The following COL25A1 variants were observed in gnomAD, a reference collection of about 807,000 sequenced individuals.
COL25A1 encodes the protein collagen alpha-1(XXV) chain.
COL25A1 carries 103 observed loss-of-function variants against 128.4 expected under a neutral mutation model. The observed-to-expected ratio is 0.80, with a 90% confidence interval of 0.68 to 0.94. The LOEUF is 0.94. Ranked by LOEUF, COL25A1 falls within the 40% of genes least tolerant of loss-of-function variation. The pLI, the probability that COL25A1 is intolerant of heterozygous loss-of-function variation, is 0.00. For missense variants in COL25A1, 745 were observed against 840.0 expected (o/e 0.89, Z 1.40); for synonymous variants, 279 against 277.2 (o/e 1.01, Z -0.06).
chr4:108,935,768 A>G (rs560927300), intron 11 of COL25A1, among the ~76,000 whole-genome samples: 62 of 152,354 alleles, frequency 4.1e-4, no homozygotes, highest in African/African-American at 1.5e-3. Flanking sequence ...ATAGTAAGCA[A>G]ATGAGATTAT....
chr4:108,915,556 AT>A (rs1207654248), intron 13 of COL25A1, among the ~76,000 whole-genome samples: 2 of 152,018 alleles, frequency 1.3e-5, no homozygotes, highest in East Asian at 1.9e-4. Flanking sequence ...TAAGAAAATA[AT>A]TTTTTATTCC....
At chr4:109,060,210 A>G (rs920026618) in intron 3 of COL25A1, among the ~76,000 whole-genome samples, 10 of 152,212 alleles carry the variant, frequency 6.6e-5, no homozygotes, top group Admixed American at 1.3e-4. Flanking sequence ...GCAGCTGTGA[A>G]GACACAGCAT....
intron 5 of COL25A1, among the ~76,000 whole-genome samples, chr4:109,012,279 A>G (rs888136487): frequency 6.6e-6 from 1 of 152,270 alleles, no homozygotes; most frequent in Admixed American, 6.5e-5. Context: ...GGATCTTTCC[A>G]GATCCATGTA....
intron 3 of COL25A1, among the ~76,000 whole-genome samples, chr4:109,282,393 A>T (rs1478784133): frequency 6.6e-6 from 1 of 152,190 alleles, no homozygotes; most frequent in Non-Finnish European, 1.5e-5. Flanking sequence ...CTATGGCACA[A>T]AAATGGAGCC....
At chr4:108,837,165 G>T (rs931155009) in intron 31 of COL25A1, among the ~76,000 whole-genome samples, 3 of 152,166 alleles carry the variant, frequency 2.0e-5, no homozygotes, top group Non-Finnish European at 2.9e-5. Context: ...ACCATCATAT[G>T]GTGGATGTAT....
chr4:109,095,171 G>T (rs1336079723), intron 3 of COL25A1, among the ~76,000 whole-genome samples: 7 of 152,118 alleles, frequency 4.6e-5, no homozygotes, highest in African/African-American at 1.4e-4. Flanking sequence ...TAAAGTTTCA[G>T]AAATCCCTCA....
chr4:108,848,898 T>C, intron 26 of COL25A1, 95 bp from the exon 27 acceptor site: 1 of 888,866 alleles, frequency 1.1e-6, no homozygotes, highest in Non-Finnish European at 1.8e-6. Flanking sequence ...CACCACAATT[T>C]GACTTTCAGC....
rs1765692898 is a variant in COL25A1 at position 109,099,481 on chromosome 4, T to C, written c.368-49302A>G. On this transcript the variant is annotated intron_variant, in intron 3 of 37. Coordinates refer to ENST00000399132, the MANE Select transcript of COL25A1 (RefSeq NM_198721.4). ...TTCCATGAAAGTGATCCTTTGCCTA[T>C]ATTACAAATGAAATATTTATATGTT... Among the ~76,000 whole-genome samples, 4 of 151,990 alleles carry C rather than the reference T, an allele frequency of 2.6e-5. No homozygotes were observed. The South Asian group carries it at 8.3e-4, about 31-fold the overall frequency.
At chr4:108,843,476 C>G (rs545006805) in intron 30 of COL25A1, among the ~76,000 whole-genome samples, 2 of 148,176 alleles carry the variant, frequency 1.3e-5, no homozygotes, top group Admixed American at 1.3e-4. Context: ...AAGCATTCTG[C>G]CTTCAACATT....
chr4:109,074,768 C>T (rs1763251925), intron 3 of COL25A1, among the ~76,000 whole-genome samples: 1 of 152,086 alleles, frequency 6.6e-6, no homozygotes, highest in South Asian at 2.1e-4. Context: ...CTAAGAAAAT[C>T]ATAGATGTTT....
chr4:109,076,828 T>A (rs1319806486), intron 3 of COL25A1, among the ~76,000 whole-genome samples: 1 of 152,018 alleles, frequency 6.6e-6, no homozygotes, highest in African/African-American at 2.4e-5. Context: ...ATCCCTCACA[T>A]GCACAGTTCA....
chr4:108,982,549 A>G (rs1025027014), intron 6 of COL25A1, among the ~76,000 whole-genome samples: 4 of 152,198 alleles, frequency 2.6e-5, no homozygotes, highest in African/African-American at 9.6e-5. Context: ...ATAAAGCATT[A>G]TAGAAGAACC....
At chr4:108,834,241 G>T in intron 31 of COL25A1, 1 of 1,117,238 alleles carries the variant, frequency 9.0e-7, no homozygotes, top group Non-Finnish European at 1.3e-6. Flanking sequence ...TTTTACTCCA[G>T]CTCTAAGTAC....
Position 108,824,217 on chromosome 4 carries a change from C to T in COL25A1, c.1802G>A (p.Gly601Asp). ...TAGATCACCCTTCTCACCCCGTGGACCAGGGAAGCCCTGTAAGATAAAAAG... is the reference window on the plus strand; with the variant it reads ...TAGATCACCCTTCTCACCCCGTGGATCAGGGAAGCCCTGTAAGATAAAAAG... ...DGEPGLDGFPGPRGEKGDLGE... is the reference protein window; with the variant it reads ...DGEPGLDGFPDPRGEKGDLGE... Residue 601 changes from glycine (G) to aspartate (D), a missense_variant, in exon 35 of 38, where the codon GGT becomes GAT. Gly to Asp is a moderately conservative substitution (Grantham distance 94). This residue lies in a region of COL25A1 where 387 missense variants were observed against 441.9 expected (regional missense o/e 0.88). Coordinates refer to ENST00000399132, the MANE Select transcript of COL25A1 (RefSeq NM_198721.4). 6.2e-7 allele frequency: 1 copy of T among 1,611,404 alleles called. No homozygotes were observed. Among genetic ancestry groups the T allele is most frequent in the Non-Finnish European group, 8.5e-7 (1 of 1,178,806 alleles).
intron 3 of COL25A1, among the ~76,000 whole-genome samples, chr4:109,229,789 G>C (rs1779044233): frequency 6.6e-6 from 1 of 152,160 alleles, no homozygotes; most frequent in Admixed American, 6.5e-5. Context: ...CAAGTGCTGT[G>C]AATATTGATT....
intron 8 of COL25A1, among the ~76,000 whole-genome samples, chr4:108,949,933 T>C (rs1749208894): frequency 6.6e-6 from 1 of 152,172 alleles, no homozygotes; most frequent in African/African-American, 2.4e-5. Context: ...ACCAAGGCAA[T>C]ATTTGGACAT....
intron 10 of COL25A1, 80 bp from the exon 11 acceptor site, chr4:108,937,923 C>A: frequency 9.0e-7 from 1 of 1,110,140 alleles, no homozygotes; most frequent in South Asian, 1.4e-5. Context: ...TCTTCTTTGA[C>A]TGGGGCATGT....
At chr4:108,892,873 A>G (rs1741677644) in intron 16 of COL25A1, among the ~76,000 whole-genome samples, 1 of 152,212 alleles carries the variant, frequency 6.6e-6, no homozygotes, top group Non-Finnish European at 1.5e-5. Context: ...CAGCGGACTG[A>G]AGAATGAGTA....
chr4:108,993,674 A>G (rs1191269518), intron 6 of COL25A1, among the ~76,000 whole-genome samples: 2 of 152,140 alleles, frequency 1.3e-5, no homozygotes, highest in South Asian at 2.1e-4. Context: ...AGCCTGGCCA[A>G]CATCATGAAA....
Sources: gnomAD v4.1 joint callset for allele counts (sites outside exome capture counted in the v4.1 genomes callset) on GRCh38, gnomAD v4.1.1 for gene constraint, gnomAD v4.1.1 regional missense constraint, MANE v1.5 for transcripts, NCBI Gene and HGNC (gene_info 2026-07-23, HGNC 2026-07-21) for gene names.